HHIP: variants seen among roughly 807,000 people sequenced by gnomAD.
HHIP encodes the protein hedgehog interacting protein.
HHIP carries 12 observed loss-of-function variants against 74.0 expected under a neutral mutation model. The ratio of observed to expected loss-of-function variants is 0.16; its 90% CI spans 0.10 to 0.26. HHIP has a LOEUF of 0.26. HHIP is among the 10% of genes least tolerant of loss of function. HHIP has a pLI of 1.00. For missense variants in HHIP, 788 were observed against 845.0 expected, an observed-to-expected ratio of 0.93 and a Z score of 0.84; for synonymous variants, 309 against 311.6, an observed-to-expected ratio of 0.99 and a Z score of 0.09.
At chr4:144,712,726 T>C (rs1730339370) in intron 8 of HHIP, among the ~76,000 whole-genome samples, 1 of 152,106 alleles carries the variant, frequency 6.6e-6, no homozygotes. Flanking sequence ...AAGGAAGCAA[T>C]ATATCAACCA....
At chr4:144,667,072 G>T (rs78231893) in intron 4 of HHIP, among the ~76,000 whole-genome samples, 5,433 of 152,244 alleles carry the variant, frequency 0.036, 112 homozygotes, top group Middle Eastern at 0.048. Flanking sequence ...CTCATAAAAT[G>T]AATTTTGGTG....
At chr4:144,670,142 C>CA (rs35586380) in intron 4 of HHIP, among the ~76,000 whole-genome samples, 51,590 of 138,298 alleles carry the variant, frequency 0.37, 10,314 homozygotes, top group South Asian at 0.52. Flanking sequence ...GACTCCATCT[C>CA]AAAAAAAAAA....
At chr4:144,720,269 A>T (rs1730597165) in intron 11 of HHIP, among the ~76,000 whole-genome samples, 1 of 152,192 alleles carries the variant, frequency 6.6e-6, no homozygotes, top group Admixed American at 6.5e-5. Flanking sequence ...TAAGAATAAA[A>T]ATCAAACTAA....
intron 1 of HHIP, chr4:144,651,037 T>C (rs1728414111): frequency 6.6e-6 from 1 of 152,104 alleles, no homozygotes; most frequent in African/African-American, 2.4e-5. Context: ...TGGACTGCCA[T>C]ATGATAAACA....
Position 144,708,990 on chromosome 4 carries a change from G to T in HHIP, c.1301+679G>T, listed in dbSNP as rs143334884. On this transcript the variant is annotated intron_variant, in intron 7 of 12. Transcript: ENST00000296575. ...AAGTATGTAGGGTGGGAAATTTGGG[G>T]TACATTTTGTAAAAATGCTATGAAG... Among the ~76,000 whole-genome samples, 256 of 152,266 alleles carry T rather than the reference G, an allele frequency of 1.7e-3. 2 individuals are homozygous for T. The highest frequency in any genetic ancestry group is 5.8e-3 in the African/African-American group (241 of 41,552).
rs1468182325 is a variant in HHIP, at chr4:144,744,465, T to C, written c.*6508T>C. 1 of 152,158 alleles carries C rather than the reference T, an allele frequency of 6.6e-6. No homozygotes were observed. The highest frequency in any genetic ancestry group is 2.4e-5 in the African/African-American group (1 of 41,430). 9.4% of individuals were successfully genotyped at this position (152,158 alleles called of 1,614,324 possible). A position where few individuals can be genotyped will look rare whatever the true frequency, so the allele number is the denominator to read the frequency against. On this transcript the variant is annotated 3_prime_UTR_variant, in exon 13 of 13. Coordinates refer to ENST00000296575, the MANE Select transcript of HHIP (RefSeq NM_022475.3). ...ACACCAGACCCAACCCATGCTTAGATTTCTGTTAATAAAAGGGAGAAGGGT... is the reference window on the plus strand; with the variant it reads ...ACACCAGACCCAACCCATGCTTAGACTTCTGTTAATAAAAGGGAGAAGGGT...
Position 144,738,062 on chromosome 4 carries a change from CTCTTT to C in HHIP, c.*107_*111del. On this transcript the variant is annotated 3_prime_UTR_variant, in exon 13 of 13. Coordinates refer to ENST00000296575, the MANE Select transcript of HHIP (RefSeq NM_022475.3). ...TGCTACACACTCCTGTGATTTCATTCTCTTTTATTAATTTAAAAATAATTTCCAGA... is the reference window on the plus strand; with the variant it reads ...TGCTACACACTCCTGTGATTTCATTCTATTAATTTAAAAATAATTTCCAGA... 1 of 1,388,046 alleles carries C rather than the reference CTCTTT, an allele frequency of 7.2e-7. No homozygotes were observed. Among genetic ancestry groups the C allele is most frequent in the African/African-American group, 1.5e-5 (1 of 68,376 alleles). The allele number at this position is 1,388,046 out of a possible 1,614,324, so 86.0% of individuals were successfully genotyped here.
chr4:144,685,685 TAGA>T (rs1239890517), intron 4 of HHIP: 2 of 151,838 alleles, frequency 1.3e-5, no homozygotes, highest in African/African-American at 2.4e-5. Flanking sequence ...GAAAAAAAAA[TAGA>T]AGAAGGAAGG....
At chr4:144,735,024 G>A in intron 12 of HHIP, 135 bp downstream of exon 12, 1 of 719,972 alleles carries the variant, frequency 1.4e-6, no homozygotes, top group Non-Finnish European at 2.1e-6. Context: ...TACTATTAAT[G>A]CTCATCTGTT....
chr4:144,712,308 A>C (rs1730327892), intron 8 of HHIP, among the ~76,000 whole-genome samples: 1 of 152,154 alleles, frequency 6.6e-6, no homozygotes, highest in Non-Finnish European at 1.5e-5. Context: ...TAGGTCCAAA[A>C]AATTTAACCG....
Position 144,658,956 on chromosome 4 carries a change from G to T in HHIP, c.629+10G>T. 2 of 1,589,622 alleles carry T rather than the reference G, an allele frequency of 1.3e-6. No individual in the cohort carries two copies. Among genetic ancestry groups the T allele is most frequent in the Non-Finnish European group, 1.7e-6 (2 of 1,167,174 alleles). ...TGGAAGAGATCAGCAGGTTCATAAA[G>T]ATAAATGCTCTTTAATCTTTTTAAA... On this transcript the variant is annotated intron_variant, in intron 3 of 12. Transcript: ENST00000296575.
At chr4:144,671,534 G>A (rs17777628) in intron 4 of HHIP, among the ~76,000 whole-genome samples, 4,807 of 152,178 alleles carry the variant, frequency 0.032, 88 homozygotes, top group South Asian at 0.04. Context: ...CTAATGGGTC[G>A]CATTCCTGTA....
At chr4:144,652,864 A>C in intron 2 of HHIP, 67 bp downstream of exon 2, 1 of 1,046,934 alleles carries the variant, frequency 9.6e-7, no homozygotes, top group Non-Finnish European at 1.4e-6. Context: ...ACTTGTACTT[A>C]AATGCTTATT....
chr4:144,663,463 G>A (rs1222594968), intron 4 of HHIP, among the ~76,000 whole-genome samples: 1 of 152,112 alleles, frequency 6.6e-6, no homozygotes, highest in Non-Finnish European at 1.5e-5. Context: ...CATTGAATGA[G>A]ACATATTTTC....
Position 144,738,170 on chromosome 4 carries a change from G to A in HHIP, c.*213G>A, listed in dbSNP as rs575070076. On this transcript the variant is annotated 3_prime_UTR_variant, in exon 13 of 13. Transcript: ENST00000296575. Reference sequence around the variant, plus strand: ...ACACATACTCATAACCCCTATATGCGTTGTTGCATAACAGATGATTTTTTA... The same window carrying A: ...ACACATACTCATAACCCCTATATGCATTGTTGCATAACAGATGATTTTTTA... 2.6e-5 allele frequency: 30 copies of A among 1,166,728 alleles called. No individual in the cohort carries two copies. The highest frequency in any genetic ancestry group is 3.5e-4 in the Middle Eastern group (1 of 2,866). The allele number at this position is 1,166,728 out of a possible 1,614,324, so 72.3% of individuals were successfully genotyped here. A position where few individuals can be genotyped will look rare whatever the true frequency, so the allele number is the denominator to read the frequency against.
At chr4:144,698,872 G>A (rs147280478) in intron 4 of HHIP, among the ~76,000 whole-genome samples, 5 of 152,186 alleles carry the variant, frequency 3.3e-5, no homozygotes, top group East Asian at 3.9e-4. Flanking sequence ...TTTTATGAAC[G>A]AAAAGAAAAC....
At chr4:144,678,151 A>G (rs935803397) in intron 4 of HHIP, among the ~76,000 whole-genome samples, 4 of 152,174 alleles carry the variant, frequency 2.6e-5, no homozygotes, top group Non-Finnish European at 5.9e-5. Flanking sequence ...TCCATTAATC[A>G]TATTTATTAG....
intron 12 of HHIP, among the ~76,000 whole-genome samples, chr4:144,736,475 C>T (rs1731125355): frequency 6.6e-6 from 1 of 152,060 alleles, no homozygotes; most frequent in Admixed American, 6.6e-5. Context: ...ATAAAGTGTC[C>T]ATTCTGTTAT....
At chr4:144,708,005 A>G in intron 6 of HHIP, 163 bp from the exon 7 acceptor site, 2 of 694,210 alleles carry the variant, frequency 2.9e-6, no homozygotes, top group Non-Finnish European at 4.7e-6. Flanking sequence ...GGCTTCCCAA[A>G]GTGCTGGGAT....
Sources: allele counts gnomAD v4.1 joint callset (sites outside exome capture counted in the v4.1 genomes callset), GRCh38; gene constraint gnomAD v4.1.1; transcripts MANE v1.5; gene names NCBI Gene and HGNC (gene_info 2026-07-23, HGNC 2026-07-21).